The following INTS4 variants were observed in gnomAD, a reference collection of about 807,000 sequenced individuals.
The protein encoded by INTS4 is MSTP093.
Under a neutral mutation model 119.5 loss-of-function variants are expected in INTS4, and 70 were observed. The observed-to-expected ratio is 0.59, with a 90% CI of 0.48 to 0.71. INTS4 has a LOEUF of 0.71. Ranked by LOEUF, INTS4 falls within the 30% of genes least tolerant of loss-of-function variation. INTS4 has a pLI of 0.00. For synonymous variants in INTS4, 316 were observed against 419.6 expected, an observed-to-expected ratio of 0.75 and a Z score of 3.02; for missense variants, 867 against 1,173.2, an observed-to-expected ratio of 0.74 and a Z score of 3.81.
chr11:77,964,229 C>G (rs944525648), intron 4 of INTS4, among the ~76,000 whole-genome samples: 2 of 152,160 alleles, frequency 1.3e-5, no homozygotes, highest in Admixed American at 6.5e-5. Context: ...GCACGACTTT[C>G]TTCCTACTGT....
chr11:77,893,375 G>A (rs1419481463), intron 19 of INTS4, among the ~76,000 whole-genome samples: 5 of 152,174 alleles, frequency 3.3e-5, no homozygotes, highest in African/African-American at 1.2e-4. Context: ...GGAGGCAGAG[G>A]CAGGAGGATC....
chr11:77,906,546 G>C (rs1565236080), intron 16 of INTS4, among the ~76,000 whole-genome samples: 1 of 152,184 alleles, frequency 6.6e-6, no homozygotes, highest in Non-Finnish European at 1.5e-5. Context: ...CCTTGCAAAG[G>C]GGCAGGAAGG....
chr11:77,988,017 TCA>T (rs1856522609), intron 2 of INTS4, among the ~76,000 whole-genome samples: 1 of 115,648 alleles, frequency 8.6e-6, no homozygotes, highest in Non-Finnish European at 2.2e-5. Flanking sequence ...TTAGCCAGTC[TCA>T]TAACCCAGTC....
intron 4 of INTS4, among the ~76,000 whole-genome samples, chr11:77,965,169 C>T (rs1241207164): frequency 6.6e-6 from 1 of 152,038 alleles, no homozygotes; most frequent in Non-Finnish European, 1.5e-5. Flanking sequence ...TTCAAGCAAT[C>T]CTCCTGACTC....
chr11:77,969,533 C>T (rs368476182), intron 4 of INTS4, among the ~76,000 whole-genome samples: 1 of 152,048 alleles, frequency 6.6e-6, no homozygotes, highest in African/African-American at 2.4e-5. Context: ...AGATGTGCAC[C>T]ATCACACCTG....
At chr11:77,980,919 G>A (rs1229672257) in intron 3 of INTS4, among the ~76,000 whole-genome samples, 1 of 152,008 alleles carries the variant, frequency 6.6e-6, no homozygotes, top group East Asian at 1.9e-4. Context: ...CGTGAACCCG[G>A]GAGGCAGAGC....
chr11:77,976,602 T>C (rs1044140424), intron 4 of INTS4, among the ~76,000 whole-genome samples: 1 of 152,210 alleles, frequency 6.6e-6, no homozygotes, highest in African/African-American at 2.4e-5. Flanking sequence ...TTATAAATCA[T>C]GATGCTATAA....
chr11:77,874,566 C>A (rs977503241), downstream of INTS4, among the ~76,000 whole-genome samples: 1 of 152,152 alleles, frequency 6.6e-6, no homozygotes, highest in Non-Finnish European at 1.5e-5. Context: ...ATAGCCCCTA[C>A]TTTGGAACCT....
chr11:77,926,340 G>T (rs1022555960), intron 11 of INTS4, among the ~76,000 whole-genome samples: 2 of 152,128 alleles, frequency 1.3e-5, no homozygotes, highest in Non-Finnish European at 2.9e-5. Context: ...CTCCTGAAAA[G>T]AATTAAAAGG....
rs191332274 is a variant in INTS4, at chr11:77,887,553, T to C, written c.2593-3601A>G. On this transcript the variant is annotated intron_variant, in intron 21 of 22. Transcript: ENST00000534064. ...CTCTCAGCACTCCTATTCAACATAG[T>C]GTTGGAAGTGCTGGCCAGGGCAATT... Among the ~76,000 whole-genome samples the C allele has an allele frequency of 5.9e-5, 9 of 152,212 alleles. No homozygotes were observed. The East Asian group carries it at 1.5e-3, about 26-fold the overall frequency.
chr11:77,903,680 T>C (rs1344958477), intron 16 of INTS4, 60 bp from the exon 17 acceptor site: 1 of 1,337,214 alleles, frequency 7.5e-7, no homozygotes, highest in African/African-American at 1.4e-5. Context: ...GCCTATCATT[T>C]GGGATTTACA....
At chr11:77,880,299 C>G (rs1263902714) in intron 22 of INTS4, among the ~76,000 whole-genome samples, 1 of 152,190 alleles carries the variant, frequency 6.6e-6, no homozygotes, top group African/African-American at 2.4e-5. Context: ...CCAAGCTTCT[C>G]TCTATGGGTC....
intron 4 of INTS4, among the ~76,000 whole-genome samples, chr11:77,971,393 T>C (rs1159212680): frequency 6.6e-6 from 1 of 151,980 alleles, no homozygotes; most frequent in Non-Finnish European, 1.5e-5. Context: ...CACGCTGTAA[T>C]CCCAGCACTT....
At chr11:77,981,323 G>A (rs1421351842) in intron 3 of INTS4, 136 bp downstream of exon 3, 2 of 415,432 alleles carry the variant, frequency 4.8e-6, no homozygotes, top group Non-Finnish European at 8.6e-6. Flanking sequence ...ATGTAAATAT[G>A]TATATATGGT....
chr11:77,991,176 C>A lies in INTS4; in HGVS notation c.178G>T (p.Ala60Ser), dbSNP rs1356380554. The change falls in exon 2 of 23, where the codon GCC (alanine) becomes TCC (serine). Residue 60 changes from alanine to serine, a missense_variant. Ala to Ser is a moderately conservative substitution (Grantham distance 99). This residue lies in a region of INTS4 where 224 missense variants were observed against 231.8 expected (regional missense o/e 0.97). Transcript: ENST00000534064. ...ADALQYLLQF[A>S]RKPVEAESVE... Reference sequence around the variant, plus strand: ...CTTTCCGCCTCGACAGGCTTCCTGGCAAACTGGAGCAAGTATTGCAAAGCA... The same window carrying A: ...CTTTCCGCCTCGACAGGCTTCCTGGAAAACTGGAGCAAGTATTGCAAAGCA... 6 of 1,614,194 alleles carry A rather than the reference C, an allele frequency of 3.7e-6. No homozygotes were observed. Among genetic ancestry groups the A allele is most frequent in the Non-Finnish European group, 5.1e-6 (6 of 1,180,040 alleles).
At chr11:77,990,309 T>G (rs1303656465) in intron 2 of INTS4, among the ~76,000 whole-genome samples, 1 of 151,924 alleles carries the variant, frequency 6.6e-6, no homozygotes, top group African/African-American at 2.4e-5. Context: ...GAGAATCACT[T>G]AAGCCCAGGA....
At chr11:77,920,190 T>TACATACAC in intron 14 of INTS4, among the ~76,000 whole-genome samples, 2 of 148,578 alleles carry the variant, frequency 1.3e-5, no homozygotes, top group Non-Finnish European at 3.0e-5. Flanking sequence ...TATACACATA[T>TACATACAC]ATATACATAT....
At chr11:77,957,480 T>C (rs1246469022) in intron 7 of INTS4, among the ~76,000 whole-genome samples, 5 of 150,414 alleles carry the variant, frequency 3.3e-5, no homozygotes, top group African/African-American at 9.8e-5. Context: ...AACCCAGGAG[T>C]TGGAGGTTGT....
chr11:77,900,867 A>G, intron 18 of INTS4: 10 of 507,170 alleles, frequency 2.0e-5, no homozygotes, highest in South Asian at 2.8e-5. Context: ...GTGTTTTTAC[A>G]TGTATTATCT....
Sources: allele counts gnomAD v4.1 joint callset (sites outside exome capture counted in the v4.1 genomes callset), GRCh38; gene constraint gnomAD v4.1.1; regional missense constraint gnomAD v4.1.1; transcripts MANE v1.5; gene names NCBI Gene and HGNC (gene_info 2026-07-23, HGNC 2026-07-21).